The following ADAM20 variants were observed in gnomAD, a reference collection of about 807,000 sequenced individuals.
ADAM20 encodes ADAM metallopeptidase domain 20.
For synonymous variants in ADAM20, 305 were observed against 310.2 expected, an observed-to-expected ratio of 0.98 and a Z score of 0.18; for missense variants, 871 against 883.2, an observed-to-expected ratio of 0.99 and a Z score of 0.18.
intron 1 of ADAM20, among the ~76,000 whole-genome samples, chr14:70,534,368 C>T (rs974294196): frequency 6.6e-6 from 1 of 151,836 alleles, no homozygotes; most frequent in Admixed American, 6.6e-5. Flanking sequence ...GGTATTTATC[C>T]AAATTATCAA....
Position 70,524,491 on chromosome 14 carries a change from C to G in ADAM20, c.267G>C (p.Val89=), listed in dbSNP as rs759326079. 6.2e-7 allele frequency: 1 copy of G among 1,614,006 alleles called. No homozygotes were observed. The highest frequency in any genetic ancestry group is 8.5e-7 in the Non-Finnish European group (1 of 1,179,946). Residue 89 remains valine (V), a synonymous_variant, in exon 2 of 2, where the codon GTG becomes GTC. Transcript: ENST00000256389. ...NKLLFAAHLP[V]FTYTEQHALL... ...GGGCATGCTGCTCTGTGTAGGTGAACACAGGAAGGTGTGCAGCAAACAACA... is the reference window on the plus strand; with the variant it reads ...GGGCATGCTGCTCTGTGTAGGTGAAGACAGGAAGGTGTGCAGCAAACAACA...
chr14:70,573,101 T>G, the ADAM20 span, among the ~76,000 whole-genome samples: 1 of 152,242 alleles, frequency 6.6e-6, no homozygotes, highest in Middle Eastern at 3.4e-3. Flanking sequence ...TTAAAGGAAA[T>G]GAAATCATTT....
the ADAM20 span, among the ~76,000 whole-genome samples, chr14:70,541,891 T>C: frequency 6.6e-6 from 1 of 152,234 alleles, no homozygotes; most frequent in Non-Finnish European, 1.5e-5. Flanking sequence ...TCTTTAACTT[T>C]GGCTACCCTA....
At chr14:70,574,450 C>CT in the ADAM20 span, among the ~76,000 whole-genome samples, 30 of 151,882 alleles carry the variant, frequency 2.0e-4, no homozygotes, top group African/African-American at 6.5e-4. Flanking sequence ...ACCATCCTGG[C>CT]TAACACGGTG....
chr14:70,550,834 C>G, the ADAM20 span, among the ~76,000 whole-genome samples: 1 of 101,980 alleles, frequency 9.8e-6, no homozygotes, highest in Non-Finnish European at 1.9e-5. Flanking sequence ...GATATCAAAG[C>G]CGGGCAGAGA....
the ADAM20 span, among the ~76,000 whole-genome samples, chr14:70,579,277 G>A: frequency 6.6e-6 from 1 of 152,008 alleles, no homozygotes; most frequent in East Asian, 1.9e-4. Flanking sequence ...CTTTCCACAG[G>A]TGCAGAAATA....
the ADAM20 span, among the ~76,000 whole-genome samples, chr14:70,553,514 T>C: frequency 1.0e-5 from 1 of 98,192 alleles, no homozygotes. Flanking sequence ...TCAATATTAA[T>C]GCAAAAATCC....
Position 70,522,801 on chromosome 14 carries a change from G to A in ADAM20, c.1957C>T (p.His653Tyr). ...GGGGGTGCCCATTCATGGTTGCAGT[G>A]ACAGTGTTGTTTGTTGTTGCAGATT... ...RGICNNKQHC[H>Y]CNHEWAPPYC... The change falls in exon 2 of 2, where the codon CAC becomes TAC. Residue 653 changes from histidine to tyrosine, a missense_variant. Transcript: ENST00000256389. 6.2e-7 allele frequency: 1 copy of A among 1,614,034 alleles called. No homozygotes were observed. Among genetic ancestry groups the A allele is most frequent in the East Asian group, 2.2e-5 (1 of 44,878 alleles).
At chr14:70,557,220 A>C in the ADAM20 span, 1 of 152,218 alleles carries the variant, frequency 6.6e-6, no homozygotes, top group African/African-American at 2.4e-5. Flanking sequence ...GAAGGGATAC[A>C]GTTGATATTG....
Position 70,523,005 on chromosome 14 carries a change from G to T in ADAM20, c.1753C>A (p.His585Asn). The change falls in exon 2 of 2, where the codon CAC (histidine) becomes AAC (asparagine). Residue 585 changes from histidine to asparagine, a missense_variant. Transcript: ENST00000256389. ...CCCCAGCAAGTGGTGTCATTGAGGT[G>T]AAACTGCTGCACTGTAGAATGCTCT... is the stretch of plus-strand genomic sequence containing the variant. Reference protein sequence around the residue: ...LIEHSTVQQFHLNDTTCWGTD... With the variant: ...LIEHSTVQQFNLNDTTCWGTD... 1.9e-6 allele frequency: 3 copies of T among 1,614,070 alleles called. No individual in the cohort carries two copies. Among genetic ancestry groups the T allele is most frequent in the Non-Finnish European group, 2.5e-6 (3 of 1,179,964 alleles).
the ADAM20 span, among the ~76,000 whole-genome samples, chr14:70,572,070 A>G: frequency 6.6e-6 from 1 of 152,224 alleles, no homozygotes; most frequent in Non-Finnish European, 1.5e-5. Flanking sequence ...ATATCTACAG[A>G]TTCAACACAA....
chr14:70,558,445 C>T, the ADAM20 span, among the ~76,000 whole-genome samples: 1 of 152,042 alleles, frequency 6.6e-6, no homozygotes, highest in African/African-American at 2.4e-5. Context: ...ACTTAACTTT[C>T]AAACATATGT....
rs980720425 is a variant in ADAM20 at position 70,524,228 on chromosome 14, T to C, written c.530A>G (p.Glu177Gly). ...CTCCATCTGGTGTGCTATTTTCTCTTCTGTTAACCCACATCTCATAGGTGG... is the reference window on the plus strand; with the variant it reads ...CTCCATCTGGTGTGCTATTTTCTCTCCTGTTAACCCACATCTCATAGGTGG... The part of the protein sequence containing the change: ...QFPPMRCGLT[E>G]EKIAHQMELQ... The change falls in exon 2 of 2, where the codon GAA (glutamate) becomes GGA (glycine). Residue 177 changes from glutamate (E) to glycine (G), a missense_variant. Coordinates refer to ENST00000256389, the MANE Select transcript of ADAM20 (RefSeq NM_003814.5). 6.2e-7 allele frequency: 1 copy of C among 1,613,900 alleles called. No homozygotes were observed. The highest frequency in any genetic ancestry group is 1.3e-5 in the African/African-American group (1 of 74,944).
chr14:70,537,579 G>T (rs1883862875), upstream of ADAM20, among the ~76,000 whole-genome samples: 1 of 152,156 alleles, frequency 6.6e-6, no homozygotes, highest in South Asian at 2.1e-4. Flanking sequence ...TTTCTTCTCA[G>T]CTTGACGTCC....
At chr14:70,567,664 C>T in the ADAM20 span, among the ~76,000 whole-genome samples, 2 of 152,008 alleles carry the variant, frequency 1.3e-5, no homozygotes, top group Non-Finnish European at 2.9e-5. Context: ...CCTAACTCGC[C>T]CTCCCTACAC....
the ADAM20 span, among the ~76,000 whole-genome samples, chr14:70,564,131 CT>C: frequency 6.6e-6 from 1 of 152,236 alleles, no homozygotes; most frequent in Non-Finnish European, 1.5e-5. Context: ...CACTGAAAGA[CT>C]GGTAGAGCCT....
intron 1 of ADAM20, among the ~76,000 whole-genome samples, chr14:70,528,788 C>A (rs558448683): frequency 6.6e-6 from 1 of 152,238 alleles, no homozygotes; most frequent in African/African-American, 2.4e-5. Context: ...AAAGAGAGAA[C>A]CTCCTTGAGT....
chr14:70,554,510 A>G, the ADAM20 span, among the ~76,000 whole-genome samples: 23 of 152,200 alleles, frequency 1.5e-4, no homozygotes, highest in Non-Finnish European at 1.5e-5. Flanking sequence ...ATGAATGGAT[A>G]AAGAAATTGT....
At chr14:70,537,143 C>T (rs1045377349), upstream of ADAM20, among the ~76,000 whole-genome samples, 10 of 152,086 alleles carry the variant, frequency 6.6e-5, no homozygotes, top group Admixed American at 1.3e-4. Flanking sequence ...CTGCTCATCC[C>T]GCTGGATCCT....
Sources: gnomAD v4.1 joint callset for allele counts (sites outside exome capture counted in the v4.1 genomes callset) on GRCh38, gnomAD v4.1.1 for gene constraint, MANE v1.5 for transcripts, NCBI Gene and HGNC (gene_info 2026-07-23, HGNC 2026-07-21) for gene names.